TENM3: variants seen among roughly 807,000 people sequenced by gnomAD.
TENM3 encodes teneurin transmembrane protein 3.
TENM3 carries 63 observed loss-of-function variants against 255.1 expected under a neutral mutation model. The observed-to-expected ratio is 0.25, with a 90% CI of 0.20 to 0.30. The LOEUF is 0.30. Among genes scored for constraint, TENM3 ranks in the 10% least tolerant of loss-of-function variants. The pLI, the probability that TENM3 is intolerant of heterozygous loss-of-function variation, is 1.00. For synonymous variants in TENM3, 1,306 were observed against 1,322.3 expected, an observed-to-expected ratio of 0.99 and a Z score of 0.27; for missense variants, 2,929 against 3,461.1, an observed-to-expected ratio of 0.85 and a Z score of 3.86.
the TENM3 span, among the ~76,000 whole-genome samples, chr4:182,130,558 G>A: frequency 2.0e-5 from 3 of 152,098 alleles, no homozygotes; most frequent in Admixed American, 6.5e-5. Flanking sequence ...AGTCAGAGAC[G>A]TTACCCTCAG....
At chr4:182,580,488 A>AT (rs995924246) in intron 3 of TENM3, among the ~76,000 whole-genome samples, 12 of 150,190 alleles carry the variant, frequency 8.0e-5, no homozygotes, top group East Asian at 2.0e-4. Context: ...CTTCACAAAG[A>AT]TTTTTTTTTT....
intron 12 of TENM3, among the ~76,000 whole-genome samples, chr4:182,701,259 T>C (rs910661918): frequency 2.8e-4 from 36 of 127,636 alleles, no homozygotes; most frequent in Non-Finnish European, 4.3e-4. Context: ...CTTGCTCTGT[T>C]GCCCAGGCTG....
intron 25 of TENM3, among the ~76,000 whole-genome samples, chr4:182,791,511 T>A (rs1766100300): frequency 1.3e-5 from 2 of 152,244 alleles, no homozygotes; most frequent in Admixed American, 1.3e-4. Context: ...ACTCATTTCA[T>A]AATTTAGCAC....
intron 4 of TENM3, among the ~76,000 whole-genome samples, chr4:182,622,123 G>T (rs776017002): frequency 6.6e-6 from 1 of 152,024 alleles, no homozygotes; most frequent in Non-Finnish European, 1.5e-5. Context: ...CACTTTGGGA[G>T]GCCAAGGCGG....
At chr4:181,834,834 G>A in the TENM3 span, 2 of 152,196 alleles carry the variant, frequency 1.3e-5, no homozygotes, top group African/African-American at 4.8e-5. Context: ...AGAAAAGGAT[G>A]TCTTATTCCT....
the TENM3 span, among the ~76,000 whole-genome samples, chr4:181,659,718 T>C: frequency 1.3e-5 from 2 of 152,226 alleles, no homozygotes; most frequent in Non-Finnish European, 2.9e-5. Flanking sequence ...CTGTTTTTCA[T>C]CTGCTCTTGA....
chr4:182,277,398 G>A (rs1194541632), intron 1 of TENM3, among the ~76,000 whole-genome samples: 1 of 152,024 alleles, frequency 6.6e-6, no homozygotes, highest in Admixed American at 6.6e-5. Context: ...TTTTCCATCT[G>A]TTTCAGAGAA....
At chr4:181,984,014 T>A in the TENM3 span, among the ~76,000 whole-genome samples, 1 of 152,234 alleles carries the variant, frequency 6.6e-6, no homozygotes, top group Non-Finnish European at 1.5e-5. Flanking sequence ...TAAGTGCAAT[T>A]CTGCCCTCTT....
At chr4:182,137,477 A>G in the TENM3 span, among the ~76,000 whole-genome samples, 1 of 152,204 alleles carries the variant, frequency 6.6e-6, no homozygotes, top group African/African-American at 2.4e-5. Flanking sequence ...TCTGCTAAGG[A>G]TAATACAGAT....
intron 3 of TENM3, among the ~76,000 whole-genome samples, chr4:182,532,209 G>A (rs940637803): frequency 2.0e-5 from 3 of 152,166 alleles, no homozygotes; most frequent in African/African-American, 7.2e-5. Context: ...CATAGACTGT[G>A]AAATTTGACA....
At chr4:181,605,584 GGAAA>G in the TENM3 span, among the ~76,000 whole-genome samples, 35,980 of 68,844 alleles carry the variant, frequency 0.52, 9,879 homozygotes, top group South Asian at 0.68. Context: ...GAGAAAGAAA[GGAAA>G]GAAAGAAAGA....
chr4:181,759,760 G>GTGTGTGTA, the TENM3 span, among the ~76,000 whole-genome samples: 1 of 149,174 alleles, frequency 6.7e-6, no homozygotes, highest in Non-Finnish European at 1.5e-5. Flanking sequence ...GTGTGTGTGT[G>GTGTGTGTA]TATGCATGTG....
the TENM3 span, among the ~76,000 whole-genome samples, chr4:181,761,268 C>T: frequency 6.6e-6 from 1 of 151,970 alleles, no homozygotes; most frequent in South Asian, 2.1e-4. Context: ...AAAAATCGTG[C>T]TTATACACGA....
chr4:182,473,151 C>A (rs1461969076), intron 3 of TENM3, among the ~76,000 whole-genome samples: 1 of 152,038 alleles, frequency 6.6e-6, no homozygotes, highest in Non-Finnish European at 1.5e-5. Context: ...ATATAATATA[C>A]CTTTATTCTT....
At chr4:182,785,800 A>C (rs28448714) in intron 24 of TENM3, among the ~76,000 whole-genome samples, 45,830 of 149,472 alleles carry the variant, frequency 0.31, 7,723 homozygotes, top group Non-Finnish European at 0.39. Context: ...AGACTTGAAA[A>C]GTTGCCCTGA....
intron 1 of TENM3, among the ~76,000 whole-genome samples, chr4:182,264,576 C>T (rs761165211): frequency 7.2e-5 from 11 of 152,208 alleles, no homozygotes; most frequent in Non-Finnish European, 1.3e-4. Context: ...AGCTCAGTAG[C>T]TAAGGTTTTT....
At chr4:182,257,703 T>A (rs1758502774) in intron 1 of TENM3, among the ~76,000 whole-genome samples, 1 of 152,162 alleles carries the variant, frequency 6.6e-6, no homozygotes, top group African/African-American at 2.4e-5. Context: ...CCTGGGGGTG[T>A]TATGTAAGAG....
chr4:182,273,425 A>G (rs1207540555), intron 1 of TENM3, among the ~76,000 whole-genome samples: 1 of 152,240 alleles, frequency 6.6e-6, no homozygotes, highest in African/African-American at 2.4e-5. Flanking sequence ...AAGACAGATA[A>G]TTCACTTGGG....
chr4:181,914,697 G>A, the TENM3 span, among the ~76,000 whole-genome samples: 13 of 152,282 alleles, frequency 8.5e-5, no homozygotes, highest in African/African-American at 2.9e-4. Flanking sequence ...GATGGCTAAC[G>A]CTGAGAGAGG....
Sources: allele counts gnomAD v4.1 joint callset (sites outside exome capture counted in the v4.1 genomes callset), GRCh38; gene constraint gnomAD v4.1.1; transcripts MANE v1.5; gene names NCBI Gene and HGNC (gene_info 2026-07-23, HGNC 2026-07-21).